Variants in GREM1 observed in about 807,000 individuals in gnomAD.
GREM1 encodes the protein gremlin-1.
GREM1 carries 6 observed loss-of-function variants against 13.1 expected under a neutral mutation model. The ratio of observed to expected loss-of-function variants is 0.46; its 90% CI spans 0.25 to 0.91. The LOEUF (loss-of-function observed/expected upper bound fraction) is 0.91, where lower values mean the gene tolerates loss of function less well. Ranked by LOEUF, GREM1 falls within the 40% of genes least tolerant of loss-of-function variation. GREM1 has a pLI of 0.18. For missense variants in GREM1, 185 were observed against 233.9 expected (o/e 0.79, Z 1.36); for synonymous variants, 98 against 93.7 (o/e 1.05, Z -0.27).
chr15:32,742,468 T>C lies in GREM1; in HGVS notation c.*11223T>C. Reference sequence around the variant, plus strand: ...ATATTACCCAAAGTGATCTATAGATTCATGCAATCCCCATCAAAAATCCCA... The same window carrying C: ...ATATTACCCAAAGTGATCTATAGATCCATGCAATCCCCATCAAAAATCCCA... On this transcript the variant is annotated 3_prime_UTR_variant, in exon 2 of 2. Coordinates refer to ENST00000651154, the MANE Select transcript of GREM1 (RefSeq NM_013372.7). 1 of 152,164 alleles carries C rather than the reference T, an allele frequency of 6.6e-6. No homozygotes were observed. The highest frequency in any genetic ancestry group is 1.9e-4 in the East Asian group (1 of 5,194). 9.4% of individuals were successfully genotyped at this position (152,164 alleles called of 1,614,324 possible).
Position 32,744,023 on chromosome 15 carries a change from C to T in GREM1, c.*12778C>T, listed in dbSNP as rs2055784515. ...AGCACAGTGCCTTTCATGACTTACT[C>T]TCCAAAGTTACAAACCTTTACTTTT... is the stretch of plus-strand genomic sequence containing the variant. On this transcript the variant is annotated 3_prime_UTR_variant, in exon 2 of 2. Coordinates refer to ENST00000651154, the MANE Select transcript of GREM1 (RefSeq NM_013372.7). 6.6e-6 allele frequency: 1 copy of T among 152,160 alleles called. No homozygotes were observed. Among genetic ancestry groups the T allele is most frequent in the Admixed American group, 6.5e-5 (1 of 15,280 alleles). 9.4% of individuals were successfully genotyped at this position (152,160 alleles called of 1,614,324 possible).
rs945526115 is a variant in GREM1 at position 32,731,608 on chromosome 15, C to T, written c.*363C>T. On this transcript the variant is annotated 3_prime_UTR_variant, in exon 2 of 2. Coordinates refer to ENST00000651154, the MANE Select transcript of GREM1 (RefSeq NM_013372.7). ...CCTCCTGGGGACCAGAATCTCCTTT[C>T]GGAATGAATGTTCATGGAAGAGGCT... is the stretch of plus-strand genomic sequence containing the variant. The T allele has an allele frequency of 1.9e-5, 6 of 320,266 alleles. No homozygotes were observed. Among genetic ancestry groups the T allele is most frequent in the East Asian group, 5.2e-5 (1 of 19,316 alleles). The allele number at this position is 320,266 out of a possible 1,614,324, so 19.8% of individuals were successfully genotyped here. A position where few individuals can be genotyped will look rare whatever the true frequency, so the allele number is the denominator to read the frequency against.
intron 1 of GREM1, among the ~76,000 whole-genome samples, chr15:32,727,070 A>G (rs2140681904): frequency 6.6e-6 from 1 of 152,360 alleles, no homozygotes; most frequent in East Asian, 1.9e-4. Flanking sequence ...GCCGAAGTCT[A>G]CCAGAGGTAC....
In GREM1 at chr15:32,738,108, A is replaced by C. The variant is rs1298879586; in HGVS notation, c.*6863A>C. ...CAAAAAAAAAAAAAAAAAAAAAAAA[A>C]AAAAAAAAAAAAAAAAAAAAAAAAA... On this transcript the variant is annotated 3_prime_UTR_variant, in exon 2 of 2. Transcript: ENST00000651154. The C allele has an allele frequency of 3.6e-3, 390 of 107,520 alleles. 8 individuals are homozygous for C. The highest frequency in any genetic ancestry group is 5.2e-3 in the Non-Finnish European group (272 of 52,704). The allele number at this position is 107,520 out of a possible 1,614,324, so 6.7% of individuals were successfully genotyped here.
intron 1 of GREM1, among the ~76,000 whole-genome samples, chr15:32,720,418 C>G (rs2140667294): frequency 6.6e-6 from 1 of 152,298 alleles, no homozygotes; most frequent in Admixed American, 6.5e-5. Context: ...GCAGACACCT[C>G]CCCCAAGAAC....
Position 32,731,450 on chromosome 15 carries a change from G to C in GREM1, c.*205G>C. On this transcript the variant is annotated 3_prime_UTR_variant, in exon 2 of 2. Coordinates refer to ENST00000651154, the MANE Select transcript of GREM1 (RefSeq NM_013372.7). Reference sequence around the variant, plus strand: ...GTTTTTAGACACCAGAGAAAACACAGTCTCTGCTAGAGAGCACTCCCTATT... The same window carrying C: ...GTTTTTAGACACCAGAGAAAACACACTCTCTGCTAGAGAGCACTCCCTATT... 1.6e-6 allele frequency: 1 copy of C among 611,716 alleles called. No individual in the cohort carries two copies. The highest frequency in any genetic ancestry group is 3.0e-6 in the Non-Finnish European group (1 of 336,888). The allele number at this position is 611,716 out of a possible 1,614,324, so 37.9% of individuals were successfully genotyped here.
chr15:32,743,952 T>C lies in GREM1; in HGVS notation c.*12707T>C, dbSNP rs2055783470. ...CTTCACGACTTAGTAACTGGCTTCC[T>C]CTAGAGTGACTAATCCAAGAGACAG... On this transcript the variant is annotated 3_prime_UTR_variant, in exon 2 of 2. Coordinates refer to ENST00000651154, the MANE Select transcript of GREM1 (RefSeq NM_013372.7). The C allele has an allele frequency of 6.6e-6, 1 of 152,180 alleles. No homozygotes were observed. Among genetic ancestry groups the C allele is most frequent in the Admixed American group, 6.5e-5 (1 of 15,280 alleles). 9.4% of individuals were successfully genotyped at this position (152,180 alleles called of 1,614,324 possible).
rs1219248625 is a variant in GREM1 at position 32,731,473 on chromosome 15, A to G, written c.*228A>G. 1.9e-5 allele frequency: 11 copies of G among 578,842 alleles called. No individual in the cohort carries two copies. Among genetic ancestry groups the G allele is most frequent in the East Asian group, 2.9e-5 (1 of 34,322 alleles). 35.9% of individuals were successfully genotyped at this position (578,842 alleles called of 1,614,324 possible). A position where few individuals can be genotyped will look rare whatever the true frequency, so the allele number is the denominator to read the frequency against. Reference sequence around the variant, plus strand: ...CAGTCTCTGCTAGAGAGCACTCCCTATTTTGTAAACATATCTGCTTTAATG... The same window carrying G: ...CAGTCTCTGCTAGAGAGCACTCCCTGTTTTGTAAACATATCTGCTTTAATG... On this transcript the variant is annotated 3_prime_UTR_variant, in exon 2 of 2. Transcript: ENST00000651154.
At position 32,731,940 on chromosome 15, in the gene GREM1, G is replaced by A. The variant is rs2055626988; in HGVS notation, c.*695G>A. Reference sequence around the variant, plus strand: ...TGAGGCCAAATCAGGTCCAGCAAAAGTCAGTAGGGACATTGCAGAAGCTTG... The same window carrying A: ...TGAGGCCAAATCAGGTCCAGCAAAAATCAGTAGGGACATTGCAGAAGCTTG... On this transcript the variant is annotated 3_prime_UTR_variant, in exon 2 of 2. Coordinates refer to ENST00000651154, the MANE Select transcript of GREM1 (RefSeq NM_013372.7). The A allele has an allele frequency of 4.3e-6, 1 of 232,680 alleles. No homozygotes were observed. The highest frequency in any genetic ancestry group is 9.2e-6 in the Non-Finnish European group (1 of 108,352). The allele number at this position is 232,680 out of a possible 1,614,324, so 14.4% of individuals were successfully genotyped here.
At position 32,738,118 on chromosome 15, in the gene GREM1, A is replaced by G. The variant is rs1567117516; in HGVS notation, c.*6873A>G. On this transcript the variant is annotated 3_prime_UTR_variant, in exon 2 of 2. Transcript: ENST00000651154. ...AAAAAAAAAAAAAAAAAAAAAAAAA[A>G]AAAAAAAAAAAAAAAGAAAAGAAAA... 1.5e-5 allele frequency: 2 copies of G among 132,650 alleles called. No individual in the cohort carries two copies. Among genetic ancestry groups the G allele is most frequent in the Admixed American group, 7.9e-5 (1 of 12,632 alleles). 8.2% of individuals were successfully genotyped at this position (132,650 alleles called of 1,614,324 possible).
Position 32,733,000 on chromosome 15 carries a change from C to T in GREM1, c.*1755C>T, listed in dbSNP as rs578219219. On this transcript the variant is annotated 3_prime_UTR_variant, in exon 2 of 2. Coordinates refer to ENST00000651154, the MANE Select transcript of GREM1 (RefSeq NM_013372.7). The stretch of plus-strand genomic sequence containing the variant: ...CAGAGAACCCTTGCAACTCGAGAAG[C>T]TGTTTTTATTTCGTTTTTGTTTTGA... 58 of 226,556 alleles carry T rather than the reference C, an allele frequency of 2.6e-4. 1 individual carries two copies. Among genetic ancestry groups the T allele is most frequent in the Non-Finnish European group, 4.5e-4 (47 of 104,482 alleles). The allele number at this position is 226,556 out of a possible 1,614,324, so 14.0% of individuals were successfully genotyped here.
At position 32,718,060 on chromosome 15, in the gene GREM1, C is replaced by T; in HGVS notation, c.-103C>T. On this transcript the variant is annotated 5_prime_UTR_variant, in exon 1 of 2. Transcript: ENST00000651154. Reference sequence around the variant, plus strand: ...CAGTGCACGGCCGCCGCGTCACTCTCGGTCCCGCTGACCCCGCGCCGAGCC... The same window carrying T: ...CAGTGCACGGCCGCCGCGTCACTCTTGGTCCCGCTGACCCCGCGCCGAGCC... 2 of 1,192,158 alleles carry T rather than the reference C, an allele frequency of 1.7e-6. No individual in the cohort carries two copies. The highest frequency in any genetic ancestry group is 4.5e-5 in the East Asian group (1 of 22,248). 73.8% of individuals were successfully genotyped at this position (1,192,158 alleles called of 1,614,324 possible).
chr15:32,718,663 T>A (rs1330594539), intron 1 of GREM1: 1 of 360,968 alleles, frequency 2.8e-6, no homozygotes, highest in East Asian at 7.3e-5. Flanking sequence ...GGTTGGAGCA[T>A]CCGGAGAATC....
In GREM1 at chr15:32,733,661, T is replaced by C. The variant is rs141078860; in HGVS notation, c.*2416T>C. On this transcript the variant is annotated 3_prime_UTR_variant, in exon 2 of 2. Coordinates refer to ENST00000651154, the MANE Select transcript of GREM1 (RefSeq NM_013372.7). Reference sequence around the variant, plus strand: ...AATGTGGTGTGTCTTCCAACTTTCATTGAAAATGCCATATCTATACCATAT... The same window carrying C: ...AATGTGGTGTGTCTTCCAACTTTCACTGAAAATGCCATATCTATACCATAT... 4.4e-6 allele frequency: 1 copy of C among 226,828 alleles called. No homozygotes were observed. The highest frequency in any genetic ancestry group is 2.3e-5 in the African/African-American group (1 of 44,368). 14.1% of individuals were successfully genotyped at this position (226,828 alleles called of 1,614,324 possible).
intron 1 of GREM1, among the ~76,000 whole-genome samples, chr15:32,725,038 T>C (rs2055476700): frequency 9.0e-6 from 1 of 111,458 alleles, no homozygotes; most frequent in Non-Finnish European, 2.2e-5. Context: ...AGTCTATCAT[T>C]GATGAGCACT....
At position 32,733,778 on chromosome 15, in the gene GREM1, C is replaced by T. The variant is rs10318; in HGVS notation, c.*2533C>T. The stretch of plus-strand genomic sequence containing the variant: ...AAGATATTTGTGGTCTTGATCATAC[C>T]TATTAAAATAATGCCAAACACCAAA... On this transcript the variant is annotated 3_prime_UTR_variant, in exon 2 of 2. Coordinates refer to ENST00000651154, the MANE Select transcript of GREM1 (RefSeq NM_013372.7). 0.18 allele frequency: 43,325 copies of T among 235,228 alleles called. 5,363 individuals carry two copies. The highest frequency in any genetic ancestry group is 0.5 in the East Asian group (7,406 of 14,812). 14.6% of individuals were successfully genotyped at this position (235,228 alleles called of 1,614,324 possible). A position where few individuals can be genotyped will look rare whatever the true frequency, so the allele number is the denominator to read the frequency against.
chr15:32,724,023 A>G (rs1049111072), intron 1 of GREM1, among the ~76,000 whole-genome samples: 3 of 152,212 alleles, frequency 2.0e-5, no homozygotes, highest in African/African-American at 7.2e-5. Context: ...CTGTAAATCA[A>G]TGAGGTTCAT....
Position 32,733,805 on chromosome 15 carries a change from A to G in GREM1, c.*2560A>G, listed in dbSNP as rs1170101241. On this transcript the variant is annotated 3_prime_UTR_variant, in exon 2 of 2. Transcript: ENST00000651154. ...ATTAAAATAATGCCAAACACCAAAT[A>G]TGAATTTTATGATGTACACTTTGTG... 1 of 238,082 alleles carries G rather than the reference A, an allele frequency of 4.2e-6. No individual in the cohort carries two copies. Among genetic ancestry groups the G allele is most frequent in the Non-Finnish European group, 8.9e-6 (1 of 112,058 alleles). The allele number at this position is 238,082 out of a possible 1,614,324, so 14.7% of individuals were successfully genotyped here. A position where few individuals can be genotyped will look rare whatever the true frequency, so the allele number is the denominator to read the frequency against.
intron 1 of GREM1, among the ~76,000 whole-genome samples, chr15:32,726,213 G>A (rs189756681): frequency 6.6e-5 from 10 of 152,000 alleles, no homozygotes; most frequent in East Asian, 1.9e-4. Context: ...TCTCAGTATC[G>A]CATCGCACTT....
Sources: allele counts gnomAD v4.1 joint callset (sites outside exome capture counted in the v4.1 genomes callset), GRCh38; gene constraint gnomAD v4.1.1; transcripts MANE v1.5; gene names NCBI Gene and HGNC (gene_info 2026-07-23, HGNC 2026-07-21).